Variants in SLC25A24 observed in about 807,000 individuals in gnomAD.
The protein encoded by SLC25A24 is solute carrier family 25 member 24, also known as mitochondrial adenyl nucleotide antiporter SLC25A24.
Under a neutral mutation model 60.7 loss-of-function variants are expected in SLC25A24, and 49 were observed. That is an observed-to-expected ratio of 0.81 (90% CI 0.64 to 1.02). The LOEUF is 1.02. SLC25A24 is among the 50% of genes least tolerant of loss of function. SLC25A24 has a pLI of 0.00. For missense variants in SLC25A24, 564 were observed against 586.3 expected, an observed-to-expected ratio of 0.96 and a Z score of 0.39; for synonymous variants, 202 against 200.6, an observed-to-expected ratio of 1.01 and a Z score of -0.06.
At chr1:108,151,875 T>C (rs1439830714) in intron 6 of SLC25A24, among the ~76,000 whole-genome samples, 1 of 152,230 alleles carries the variant, frequency 6.6e-6, no homozygotes, top group Admixed American at 6.5e-5. Flanking sequence ...AATATCATTC[T>C]TGACTCTTCT....
rs557225558 is a variant in SLC25A24 at position 108,170,223 on chromosome 1, G to A, written c.399-8930C>T. Among the ~76,000 whole-genome samples, 14 of 152,134 alleles carry A rather than the reference G, an allele frequency of 9.2e-5. 1 individual carries two copies. In the East Asian group the frequency reaches 2.7e-3, roughly 29 times the overall value. ...TGAATTTCCACTTACGATTTCCTTT[G>A]ACCCATAAGTTGAGAAGTGTATATC... On this transcript the variant is annotated intron_variant, in intron 3 of 9. Coordinates refer to ENST00000565488, the MANE Select transcript of SLC25A24 (RefSeq NM_013386.5).
intron 7 of SLC25A24, among the ~76,000 whole-genome samples, chr1:108,145,162 A>G (rs2101601366): frequency 6.6e-6 from 1 of 152,296 alleles, no homozygotes; most frequent in Middle Eastern, 3.4e-3. Context: ...GCATTTCTCT[A>G]ACAACCAGGG....
rs1174836858 is a variant in SLC25A24, at chr1:108,192,597, A to G, written c.184-6643T>C. On this transcript the variant is annotated intron_variant, in intron 1 of 9. Transcript: ENST00000565488. ...TCCTTGTTATAGTCCAGGTACCAAA[A>G]GAGATCTCCGTAGAGGGAGTCCATC... 17 of 1,497,998 alleles carry G rather than the reference A, an allele frequency of 1.1e-5. 3 individuals are homozygous for G. The highest frequency in any genetic ancestry group is 1.3e-5 in the Non-Finnish European group (15 of 1,113,224). The allele number at this position is 1,497,998 out of a possible 1,614,324, so 92.8% of individuals were successfully genotyped here. A position where few individuals can be genotyped will look rare whatever the true frequency, so the allele number is the denominator to read the frequency against.
At chr1:108,199,649 G>C (rs1383492411) in intron 1 of SLC25A24, 1 of 499,280 alleles carries the variant, frequency 2.0e-6, no homozygotes, top group Admixed American at 3.7e-5. Flanking sequence ...AGAAAACAAA[G>C]AACCTGGGAT....
intron 9 of SLC25A24, 124 bp from the exon 10 acceptor site, chr1:108,136,961 C>G: frequency 1.1e-6 from 1 of 880,346 alleles, no homozygotes; most frequent in South Asian, 1.6e-5. Flanking sequence ...TTCCAAGAAG[C>G]CCAAGACAAC....
chr1:108,143,383 C>T (rs1407861817), intron 8 of SLC25A24, among the ~76,000 whole-genome samples, 160 bp downstream of exon 8: 1 of 152,212 alleles, frequency 6.6e-6, no homozygotes, highest in South Asian at 2.1e-4. Flanking sequence ...TGACCCCATG[C>T]ATATTCACAC....
intron 5 of SLC25A24, among the ~76,000 whole-genome samples, 200 bp downstream of exon 5, chr1:108,157,262 A>G (rs1679927018): frequency 6.6e-6 from 1 of 152,230 alleles, no homozygotes; most frequent in South Asian, 2.1e-4. Flanking sequence ...CATTACACAC[A>G]TGTACTAACA....
chr1:108,148,883 T>G (rs1264370349), intron 6 of SLC25A24, among the ~76,000 whole-genome samples: 4 of 152,186 alleles, frequency 2.6e-5, no homozygotes, highest in Non-Finnish European at 5.9e-5. Context: ...ATACACTACA[T>G]TAATAATACA....
In SLC25A24 at chr1:108,157,562, T is replaced by C. The variant is rs1679937563; in HGVS notation, c.569A>G (p.Lys190Arg). The C allele has an allele frequency of 1.2e-6, 2 of 1,614,082 alleles. No homozygotes were observed. Among genetic ancestry groups the C allele is most frequent in the Non-Finnish European group, 1.7e-6 (2 of 1,180,018 alleles). ...IPDEFTEDEK[K>R]SGQWWRQLLA... Reference sequence around the variant, plus strand: ...AAGCTGCCTCCACCATTGTCCGGATTTTTTTTCGTCTTCCGTGAATTCATC... The same window carrying C: ...AAGCTGCCTCCACCATTGTCCGGATCTTTTTTCGTCTTCCGTGAATTCATC... Residue 190 changes from lysine (K) to arginine (R), a missense_variant, in exon 5 of 10, where the codon AAA becomes AGA. By Grantham distance (26) the Lys-to-Arg change is conservative. Transcript: ENST00000565488.
In SLC25A24 at chr1:108,190,087, C is replaced by T. The variant is rs147310187; in HGVS notation, c.184-4133G>A. On this transcript the variant is annotated intron_variant, in intron 1 of 9. Coordinates refer to ENST00000565488, the MANE Select transcript of SLC25A24 (RefSeq NM_013386.5). ...AATGAGAAAAGTAAAATCTACTTGG[C>T]CCGAGTTTGCTATAGCAAGGGAGTC... is the stretch of plus-strand genomic sequence containing the variant. 1.8e-3 allele frequency among the ~76,000 whole-genome samples: 281 copies of T among 152,020 alleles called. 1 individual carries two copies. The highest frequency in any genetic ancestry group is 6.5e-3 in the African/African-American group (268 of 41,452).
chr1:108,188,454 C>T (rs1220053034), intron 1 of SLC25A24, among the ~76,000 whole-genome samples: 1 of 152,118 alleles, frequency 6.6e-6, no homozygotes, highest in Non-Finnish European at 1.5e-5. Flanking sequence ...GTTATAACTG[C>T]CTACGGTATT....
At chr1:108,168,409 AT>A (rs961275409) in intron 3 of SLC25A24, among the ~76,000 whole-genome samples, 1 of 152,054 alleles carries the variant, frequency 6.6e-6, no homozygotes, top group African/African-American at 2.4e-5. Context: ...CAAGGCAAGG[AT>A]TTTTTTTAAT....
intron 1 of SLC25A24, among the ~76,000 whole-genome samples, chr1:108,187,415 A>C (rs1466672276): frequency 6.6e-6 from 1 of 152,188 alleles, no homozygotes; most frequent in Non-Finnish European, 1.5e-5. Context: ...CTTTGAAAAG[A>C]CTAATAAAAT....
At chr1:108,190,575 AT>A (rs983383388) in intron 1 of SLC25A24, among the ~76,000 whole-genome samples, 6 of 152,096 alleles carry the variant, frequency 3.9e-5, no homozygotes, top group African/African-American at 1.4e-4. Flanking sequence ...CTCTTCGTAT[AT>A]TTAGTTTCTC....
chr1:108,190,384 T>G (rs1355353650), intron 1 of SLC25A24, among the ~76,000 whole-genome samples: 1 of 152,214 alleles, frequency 6.6e-6, no homozygotes, highest in Non-Finnish European at 1.5e-5. Context: ...TTGGGGCTGT[T>G]ACAGCAGTTA....
intron 2 of SLC25A24, among the ~76,000 whole-genome samples, chr1:108,184,082 C>T (rs1648035405): frequency 1.3e-5 from 2 of 152,116 alleles, no homozygotes; most frequent in African/African-American, 2.4e-5. Flanking sequence ...TTTTAAAATA[C>T]ACAAACATGG....
At chr1:108,190,564 T>C (rs1021839880) in intron 1 of SLC25A24, among the ~76,000 whole-genome samples, 1 of 152,204 alleles carries the variant, frequency 6.6e-6, no homozygotes, top group Non-Finnish European at 1.5e-5. Context: ...CTGACCATTA[T>C]CTCTTCGTAT....
intron 3 of SLC25A24, among the ~76,000 whole-genome samples, chr1:108,181,322 A>T (rs1026241437): frequency 1.3e-5 from 2 of 152,224 alleles, no homozygotes; most frequent in Non-Finnish European, 2.9e-5. Flanking sequence ...GTTATCATAA[A>T]AAATCAGTTC....
chr1:108,143,420 A>G, intron 8 of SLC25A24, 123 bp downstream of exon 8: 1 of 782,270 alleles, frequency 1.3e-6, no homozygotes, highest in Non-Finnish European at 2.0e-6. Context: ...TTCAAATAAC[A>G]CATGCTTGAA....
Sources: allele counts gnomAD v4.1 joint callset (sites outside exome capture counted in the v4.1 genomes callset), GRCh38; gene constraint gnomAD v4.1.1; transcripts MANE v1.5; gene names NCBI Gene and HGNC (gene_info 2026-07-23, HGNC 2026-07-21).